ATOX1: variants seen among roughly 807,000 people sequenced by gnomAD.
The protein encoded by ATOX1 is antioxidant 1 copper chaperone.
In ATOX1, 4 loss-of-function variants were observed where a neutral mutation model predicts 7.3. That is an observed-to-expected ratio of 0.55 (90% CI 0.27 to 1.25). The LOEUF is 1.25. ATOX1 is among the 50% of genes most tolerant of loss of function. ATOX1 has a pLI of 0.12. For synonymous variants in ATOX1, 25 were observed against 28.7 expected (o/e 0.87, Z 0.41); for missense variants, 68 against 81.6 (o/e 0.83, Z 0.64).
chr5:151,746,299 T>A lies in ATOX1; in HGVS notation c.*26A>T. On this transcript the variant is annotated 3_prime_UTR_variant, in exon 3 of 4. Coordinates refer to ENST00000313115, the MANE Select transcript of ATOX1 (RefSeq NM_004045.4). Reference sequence around the variant, plus strand: ...CCCACCTGCCCCCTTTGGTCCATCCTGTGGGCTGTGGGGACCAGGCCCCTG... The same window carrying A: ...CCCACCTGCCCCCTTTGGTCCATCCAGTGGGCTGTGGGGACCAGGCCCCTG... 6.2e-7 allele frequency: 1 copy of A among 1,611,524 alleles called. No individual in the cohort carries two copies. The highest frequency in any genetic ancestry group is 2.2e-5 in the East Asian group (1 of 44,826).
intron 1 of ATOX1, among the ~76,000 whole-genome samples, chr5:151,756,600 G>T (rs1257415658): frequency 1.3e-5 from 2 of 151,876 alleles, no homozygotes; most frequent in African/African-American, 4.8e-5. Context: ...AGCCTCCCAA[G>T]TAGCTGGGAC....
intron 3 of ATOX1, 37 bp downstream of exon 3, chr5:151,746,242 T>C (rs1345352960): frequency 3.2e-6 from 5 of 1,567,692 alleles, no homozygotes; most frequent in African/African-American, 1.4e-5. Context: ...AGGTGTGAGC[T>C]GTAGGTTTGT....
At chr5:151,757,902 C>T (rs1021281936) in intron 1 of ATOX1, among the ~76,000 whole-genome samples, 6 of 152,208 alleles carry the variant, frequency 3.9e-5, no homozygotes, top group South Asian at 4.1e-4. Context: ...ACTGAGTGAT[C>T]TGCAAAGGCA....
chr5:151,758,246 C>CA (rs1561523849), intron 1 of ATOX1, among the ~76,000 whole-genome samples: 1 of 152,246 alleles, frequency 6.6e-6, no homozygotes, highest in Admixed American at 6.5e-5. Flanking sequence ...CCAACTCCCC[C>CA]ATCCCCTGCC....
At chr5:151,757,720 A>AT (rs1175423587) in intron 1 of ATOX1, among the ~76,000 whole-genome samples, 5 of 152,194 alleles carry the variant, frequency 3.3e-5, no homozygotes, top group Non-Finnish European at 5.9e-5. Flanking sequence ...GGCACCTCCC[A>AT]TGTGGTCAGG....
At chr5:151,749,620 TCACTC>T (rs1419234203) in intron 2 of ATOX1, among the ~76,000 whole-genome samples, 1 of 143,136 alleles carries the variant, frequency 7.0e-6, no homozygotes, top group Non-Finnish European at 1.5e-5. Flanking sequence ...TCATGCCACT[TCACTC>T]CACTCTAGCC....
chr5:151,758,163 T>C (rs1042329359), intron 1 of ATOX1, among the ~76,000 whole-genome samples: 3 of 152,226 alleles, frequency 2.0e-5, no homozygotes, highest in Non-Finnish European at 2.9e-5. Context: ...ACCGCCCTCC[T>C]TCAGGCCAGC....
chr5:151,746,371 G>T lies in ATOX1; in HGVS notation c.161C>A (p.Thr54Asn). 6.2e-7 allele frequency: 1 copy of T among 1,613,956 alleles called. No individual in the cohort carries two copies. Among genetic ancestry groups the T allele is most frequent in the South Asian group, 1.1e-5 (1 of 91,086 alleles). Residue 54 changes from threonine (T) to asparagine (N), a missense_variant, in exon 3 of 4, where the codon ACC (threonine) becomes AAC (asparagine). Transcript: ENST00000313115. ...SEHSMDTLLA[T>N]LKKTGKTVSY... Reference sequence around the variant, plus strand: ...AACAGTCTTTCCTGTTTTCTTCAGGGTTGCAAGCAGAGTGTCCATGCTGTG... The same window carrying T: ...AACAGTCTTTCCTGTTTTCTTCAGGTTTGCAAGCAGAGTGTCCATGCTGTG...
At chr5:151,757,609 G>T (rs1306416609) in intron 1 of ATOX1, among the ~76,000 whole-genome samples, 1 of 152,222 alleles carries the variant, frequency 6.6e-6, no homozygotes, top group African/African-American at 2.4e-5. Context: ...CCAGAGCCAT[G>T]AATTAGGCAC....
chr5:151,751,567 G>A, intron 2 of ATOX1, 137 bp downstream of exon 2: 2 of 766,762 alleles, frequency 2.6e-6, no homozygotes, highest in South Asian at 2.0e-5. Flanking sequence ...AAAATAACAA[G>A]AGTAGTTGGC....
chr5:151,751,288 A>C (rs1457495678), intron 2 of ATOX1, among the ~76,000 whole-genome samples: 1 of 151,970 alleles, frequency 6.6e-6, no homozygotes, highest in Non-Finnish European at 1.5e-5. Context: ...AATTCAATAG[A>C]AAATGACACT....
Position 151,746,307 on chromosome 5 carries a change from G to A in ATOX1, c.*18C>T, listed in dbSNP as rs1761878779. 15 of 1,612,146 alleles carry A rather than the reference G, an allele frequency of 9.3e-6. No individual in the cohort carries two copies. In the East Asian group the frequency reaches 2.7e-4, roughly 29 times the overall value. The stretch of plus-strand genomic sequence containing the variant: ...CCCCCTTTGGTCCATCCTGTGGGCT[G>A]TGGGGACCAGGCCCCTGCTACTCAA... On this transcript the variant is annotated 3_prime_UTR_variant, in exon 3 of 4. Transcript: ENST00000313115.
chr5:151,758,437 C>T, intron 1 of ATOX1, 109 bp downstream of exon 1: 3 of 1,355,368 alleles, frequency 2.2e-6, no homozygotes, highest in Non-Finnish European at 2.9e-6. Context: ...AACAGCGGCT[C>T]CGGCCGCCGC....
chr5:151,756,153 A>G (rs1198777024), intron 1 of ATOX1, among the ~76,000 whole-genome samples: 2 of 151,992 alleles, frequency 1.3e-5, no homozygotes, highest in Non-Finnish European at 2.9e-5. Flanking sequence ...CATGTTGGCC[A>G]GGCTGGTCTC....
chr5:151,752,177 G>A (rs1353721585), intron 1 of ATOX1: 3 of 692,556 alleles, frequency 4.3e-6, no homozygotes, highest in Middle Eastern at 2.3e-4. Flanking sequence ...TGCTGATCTG[G>A]TGGGCCCACT....
chr5:151,749,596 G>T (rs1211780258), intron 2 of ATOX1, among the ~76,000 whole-genome samples: 6 of 150,216 alleles, frequency 4.0e-5, no homozygotes, highest in African/African-American at 1.5e-4. Flanking sequence ...GGAGCAGGTT[G>T]CAGTGAGCAG....
intron 2 of ATOX1, 109 bp downstream of exon 2, chr5:151,751,595 T>C (rs1761949248): frequency 8.9e-7 from 1 of 1,120,144 alleles, no homozygotes; most frequent in Non-Finnish European, 1.3e-6. Context: ...AAGTACTCAA[T>C]ATATTTTAGT....
At chr5:151,749,722 T>C (rs1761923225) in intron 2 of ATOX1, among the ~76,000 whole-genome samples, 1 of 143,602 alleles carries the variant, frequency 7.0e-6, no homozygotes, top group African/African-American at 2.6e-5. Context: ...GATACAGACA[T>C]ACAAGATATA....
chr5:151,746,241 C>T (rs1047377107), intron 3 of ATOX1, 38 bp downstream of exon 3: 19 of 1,564,298 alleles, frequency 1.2e-5, no homozygotes, highest in Admixed American at 5.4e-5. Context: ...GAGGTGTGAG[C>T]TGTAGGTTTG....
Sources: allele counts gnomAD v4.1 joint callset (sites outside exome capture counted in the v4.1 genomes callset), GRCh38; gene constraint gnomAD v4.1.1; transcripts MANE v1.5; gene names NCBI Gene and HGNC (gene_info 2026-07-23, HGNC 2026-07-21).